CALN1: variants seen among roughly 807,000 people sequenced by gnomAD.
CALN1 encodes the protein calcium-binding protein 8.
Under a neutral mutation model 30.6 loss-of-function variants are expected in CALN1, and 17 were observed. That is an observed-to-expected ratio of 0.56 (90% CI 0.38 to 0.83). The LOEUF (loss-of-function observed/expected upper bound fraction) is 0.83. Ranked by LOEUF, CALN1 falls within the 40% of genes least tolerant of loss-of-function variation. CALN1 has a pLI of 0.00. For missense variants in CALN1, 291 were observed against 354.9 expected, an observed-to-expected ratio of 0.82 and a Z score of 1.45; for synonymous variants, 156 against 131.4, an observed-to-expected ratio of 1.19 and a Z score of -1.28.
chr7:71,921,180 T>G (rs1794926825), intron 5 of CALN1, among the ~76,000 whole-genome samples: 1 of 151,990 alleles, frequency 6.6e-6, no homozygotes, highest in South Asian at 2.1e-4. Context: ...GAGGGAGAGA[T>G]ACATCACACA....
At chr7:72,502,346 T>C in the CALN1 span, among the ~76,000 whole-genome samples, 1 of 149,948 alleles carries the variant, frequency 6.7e-6, no homozygotes, top group South Asian at 2.1e-4. Flanking sequence ...ATCTGAGCAC[T>C]TTGACCTGTC....
At chr7:72,497,446 A>T in the CALN1 span, among the ~76,000 whole-genome samples, 7 of 152,322 alleles carry the variant, frequency 4.6e-5, no homozygotes, top group African/African-American at 1.4e-4. Context: ...TCTCAAAAAA[A>T]ACAAAGGAAT....
At chr7:72,487,237 C>T in the CALN1 span, among the ~76,000 whole-genome samples, 4 of 151,870 alleles carry the variant, frequency 2.6e-5, no homozygotes, top group African/African-American at 7.3e-5. Context: ...AAACAGTTGG[C>T]GAGAATGGTG....
chr7:71,841,775 T>C (rs1789952413), intron 5 of CALN1, among the ~76,000 whole-genome samples: 1 of 152,054 alleles, frequency 6.6e-6, no homozygotes, highest in Admixed American at 6.6e-5. Flanking sequence ...CTGCATGTTC[T>C]CAATTGAGTG....
At chr7:72,356,966 G>C (rs756865089) in intron 2 of CALN1, among the ~76,000 whole-genome samples, 13 of 151,936 alleles carry the variant, frequency 8.6e-5, no homozygotes, top group Non-Finnish European at 1.8e-4. Context: ...CTTTGGTTTT[G>C]TTTTGTTTTG....
intron 3 of CALN1, among the ~76,000 whole-genome samples, chr7:72,242,528 A>G (rs150597832): frequency 1.6e-4 from 24 of 152,342 alleles, no homozygotes; most frequent in African/African-American, 5.5e-4. Context: ...CTCATAAACA[A>G]TTCAAAAAAA....
intron 3 of CALN1, among the ~76,000 whole-genome samples, chr7:72,204,856 C>G (rs1318150957): frequency 6.6e-6 from 1 of 152,112 alleles, no homozygotes; most frequent in Non-Finnish European, 1.5e-5. Flanking sequence ...ATATAAAATT[C>G]TTAAAAATGA....
intron 2 of CALN1, among the ~76,000 whole-genome samples, chr7:72,392,262 A>G (rs1468714570): frequency 6.6e-6 from 1 of 152,224 alleles, no homozygotes; most frequent in Admixed American, 6.5e-5. Context: ...CAGAGGTACC[A>G]GACATCTCGG....
At chr7:71,911,121 G>A (rs1465663764) in intron 5 of CALN1, among the ~76,000 whole-genome samples, 1 of 152,086 alleles carries the variant, frequency 6.6e-6, no homozygotes, top group African/African-American at 2.4e-5. Flanking sequence ...GTCCTTACTG[G>A]CGCCAGCAGA....
intron 5 of CALN1, among the ~76,000 whole-genome samples, chr7:71,931,993 C>T (rs1031320952): frequency 6.6e-6 from 1 of 152,080 alleles, no homozygotes; most frequent in South Asian, 2.1e-4. Context: ...GATGACACTG[C>T]TGGTGTGATT....
At chr7:72,481,359 G>T in the CALN1 span, among the ~76,000 whole-genome samples, 1 of 152,182 alleles carries the variant, frequency 6.6e-6, no homozygotes, top group East Asian at 1.9e-4. Context: ...AAAGGGCTGG[G>T]ATTATAAGCA....
At chr7:72,247,824 T>C (rs1403729850) in intron 3 of CALN1, among the ~76,000 whole-genome samples, 1 of 151,896 alleles carries the variant, frequency 6.6e-6, no homozygotes, top group African/African-American at 2.4e-5. Flanking sequence ...CAAGACCCCA[T>C]CTCTACAAAA....
intron 2 of CALN1, among the ~76,000 whole-genome samples, chr7:72,370,018 G>A (rs1804131705): frequency 6.6e-6 from 1 of 152,142 alleles, no homozygotes; most frequent in African/African-American, 2.4e-5. Flanking sequence ...AAAAATGTAT[G>A]TGTGTTATTT....
intron 4 of CALN1, among the ~76,000 whole-genome samples, chr7:72,041,071 T>C (rs1802094446): frequency 6.6e-6 from 1 of 152,140 alleles, no homozygotes; most frequent in Non-Finnish European, 1.5e-5. Flanking sequence ...GTATTATTCT[T>C]CAGCTTTATG....
intron 1 of CALN1, among the ~76,000 whole-genome samples, chr7:72,405,146 G>A (rs1241624687): frequency 6.6e-6 from 1 of 152,166 alleles, no homozygotes; most frequent in Non-Finnish European, 1.5e-5. Context: ...TATGTCCTGC[G>A]ATTGGGCCGG....
At chr7:72,403,197 A>G (rs1378201542) in intron 2 of CALN1, 54 bp downstream of exon 2, 34 of 1,429,780 alleles carry the variant, frequency 2.4e-5, no homozygotes, top group Non-Finnish European at 3.1e-5. Flanking sequence ...GCCACCCCCT[A>G]CCTGAGGGCT....
chr7:72,320,002 A>G (rs971183982), intron 2 of CALN1, among the ~76,000 whole-genome samples: 2 of 152,150 alleles, frequency 1.3e-5, no homozygotes, highest in East Asian at 1.9e-4. Flanking sequence ...AAAAATACAA[A>G]AACAAATTAG....
chr7:72,394,103 T>C (rs993204298), intron 2 of CALN1, among the ~76,000 whole-genome samples: 1 of 152,172 alleles, frequency 6.6e-6, no homozygotes, highest in Admixed American at 6.5e-5. Context: ...GTAATATGTA[T>C]GGTGGAGTGC....
the CALN1 span, among the ~76,000 whole-genome samples, chr7:72,458,824 C>T: frequency 0.65 from 74,361 of 114,460 alleles, 25,379 homozygotes; most frequent in Middle Eastern, 0.72. Context: ...ATTTAATATA[C>T]AATATAATAT....
Sources: allele counts gnomAD v4.1 joint callset (sites outside exome capture counted in the v4.1 genomes callset), GRCh38; gene constraint gnomAD v4.1.1; transcripts MANE v1.5; gene names NCBI Gene and HGNC (gene_info 2026-07-23, HGNC 2026-07-21).